The following ARB2A variants were observed in gnomAD, a reference collection of about 807,000 sequenced individuals.
The protein encoded by ARB2A is cotranscriptional regulator ARB2A.
At chr5:93,666,096 A>C in the ARB2A span, among the ~76,000 whole-genome samples, 1 of 152,234 alleles carries the variant, frequency 6.6e-6, no homozygotes, top group African/African-American at 2.4e-5. Context: ...GCCTGACAGT[A>C]ACAATGAGTC....
chr5:93,703,683 T>A, the ARB2A span, among the ~76,000 whole-genome samples: 2 of 152,172 alleles, frequency 1.3e-5, no homozygotes, highest in Admixed American at 6.5e-5. Context: ...AGAGAAGGTA[T>A]CTCTACACAA....
At chr5:93,843,924 T>A in the ARB2A span, among the ~76,000 whole-genome samples, 1 of 151,874 alleles carries the variant, frequency 6.6e-6, no homozygotes, top group African/African-American at 2.4e-5. Context: ...CATTTGCTGA[T>A]AGATTAAAGT....
the ARB2A span, among the ~76,000 whole-genome samples, chr5:93,652,696 T>A: frequency 3.3e-5 from 5 of 152,224 alleles, no homozygotes; most frequent in Non-Finnish European, 7.3e-5. Context: ...TATCAACAGC[T>A]GCTGATTTAA....
chr5:94,014,553 C>G, the ARB2A span, among the ~76,000 whole-genome samples: 1 of 152,110 alleles, frequency 6.6e-6, no homozygotes, highest in Non-Finnish European at 1.5e-5. Context: ...AATCAAGGAA[C>G]TAGTGTCTGA....
chr5:93,694,555 A>G, the ARB2A span, among the ~76,000 whole-genome samples: 1 of 152,246 alleles, frequency 6.6e-6, no homozygotes, highest in Non-Finnish European at 1.5e-5. Flanking sequence ...AAACAAATGG[A>G]AAAACATTTC....
chr5:93,749,796 T>C, the ARB2A span, among the ~76,000 whole-genome samples: 1 of 152,152 alleles, frequency 6.6e-6, no homozygotes, highest in Non-Finnish European at 1.5e-5. Context: ...TCATGAAGTA[T>C]GGAAGGAAGG....
the ARB2A span, among the ~76,000 whole-genome samples, chr5:93,925,089 C>T: frequency 8.5e-4 from 129 of 151,804 alleles, no homozygotes; most frequent in African/African-American, 3.1e-3. Context: ...AAAAAAAGAA[C>T]ACTTAGCATT....
chr5:93,827,106 T>C, the ARB2A span, among the ~76,000 whole-genome samples: 1 of 152,124 alleles, frequency 6.6e-6, no homozygotes, highest in East Asian at 1.9e-4. Context: ...TTTGGGTATA[T>C]CCCCAGTAAT....
At chr5:93,682,932 C>T in the ARB2A span, 3 of 1,577,874 alleles carry the variant, frequency 1.9e-6, no homozygotes, top group South Asian at 2.2e-5. Flanking sequence ...TTGGCTTCCA[C>T]TTTGGGAAGA....
At chr5:93,741,097 CCAAA>C in the ARB2A span, 1 of 1,613,856 alleles carries the variant, frequency 6.2e-7, no homozygotes, top group Non-Finnish European at 8.5e-7. Context: ...AAGCACCTTC[CCAAA>C]CAGAGCTCCC....
At chr5:93,875,383 C>T in the ARB2A span, among the ~76,000 whole-genome samples, 1 of 152,100 alleles carries the variant, frequency 6.6e-6, no homozygotes, top group African/African-American at 2.4e-5. Context: ...AGGTGCCCAC[C>T]ACCATGCCTG....
chr5:93,852,722 T>C, the ARB2A span, among the ~76,000 whole-genome samples: 456 of 152,106 alleles, frequency 3.0e-3, 1 homozygote, highest in Non-Finnish European at 4.2e-3. Flanking sequence ...ATCCTTTCCC[T>C]ATTGCTTGTT....
the ARB2A span, among the ~76,000 whole-genome samples, chr5:93,713,625 C>T: frequency 6.6e-6 from 1 of 152,098 alleles, no homozygotes; most frequent in South Asian, 2.1e-4. Context: ...ATAACACTAC[C>T]ACTGTGGAGG....
chr5:94,087,577 T>C, the ARB2A span, among the ~76,000 whole-genome samples: 1 of 152,214 alleles, frequency 6.6e-6, no homozygotes, highest in East Asian at 1.9e-4. Context: ...ATATTTTGTG[T>C]AGCCTAAGTG....
At chr5:93,830,311 G>GTGTGTGTGTGTGTGTATATA in the ARB2A span, among the ~76,000 whole-genome samples, 1 of 82,270 alleles carries the variant, frequency 1.2e-5, no homozygotes, top group African/African-American at 5.2e-5. Flanking sequence ...GTGTGTGTGT[G>GTGTGTGTGTGTGTGTATATA]TATATATATA....
At chr5:93,666,961 A>C in the ARB2A span, among the ~76,000 whole-genome samples, 1 of 152,246 alleles carries the variant, frequency 6.6e-6, no homozygotes, top group African/African-American at 2.4e-5. Flanking sequence ...GGTCCATAAA[A>C]AGAAAATTTA....
chr5:94,013,928 G>A, the ARB2A span, among the ~76,000 whole-genome samples: 1 of 152,126 alleles, frequency 6.6e-6, no homozygotes, highest in Non-Finnish European at 1.5e-5. Context: ...CCTGCACCTA[G>A]TACATGGGAA....
At chr5:93,665,976 T>C in the ARB2A span, among the ~76,000 whole-genome samples, 2 of 152,072 alleles carry the variant, frequency 1.3e-5, no homozygotes, top group Non-Finnish European at 2.9e-5. Flanking sequence ...ATCATACAAG[T>C]GAAACAGTGA....
chr5:94,029,115 C>T, the ARB2A span, among the ~76,000 whole-genome samples: 1 of 152,110 alleles, frequency 6.6e-6, no homozygotes, highest in East Asian at 1.9e-4. Context: ...CCTCATCATT[C>T]CGAGTAGCTA....
Sources: allele counts gnomAD v4.1 joint callset (sites outside exome capture counted in the v4.1 genomes callset), GRCh38; gene constraint gnomAD v4.1.1; transcripts MANE v1.5; gene names NCBI Gene and HGNC (gene_info 2026-07-23, HGNC 2026-07-21).